NALF1: variants seen among roughly 807,000 people sequenced by gnomAD.
The protein encoded by NALF1 is NALCN channel auxiliary factor 1, also known as family with sequence similarity 155 member A.
In NALF1, 3 loss-of-function variants were observed where a neutral mutation model predicts 48.4. The ratio of observed to expected loss-of-function variants is 0.06; its 90% CI spans 0.03 to 0.16. NALF1 has a LOEUF of 0.16. Ranked by LOEUF, NALF1 falls within the 10% of genes least tolerant of loss-of-function variation. The pLI, the probability that NALF1 is intolerant of heterozygous loss-of-function variation, is 1.00. For synonymous variants in NALF1, 262 were observed against 245.7 expected, an observed-to-expected ratio of 1.07 and a Z score of -0.62; for missense variants, 526 against 571.5, an observed-to-expected ratio of 0.92 and a Z score of 0.81.
chr13:107,475,961 A>G (rs948524262), intron 1 of NALF1, among the ~76,000 whole-genome samples: 5 of 152,158 alleles, frequency 3.3e-5, no homozygotes, highest in East Asian at 1.9e-4. Flanking sequence ...AGAAAAAGCA[A>G]TCCCAAAACC....
chr13:107,761,778 T>G lies in NALF1; in HGVS notation c.915+103904A>C, dbSNP rs112156704. Among the ~76,000 whole-genome samples, 691 of 152,328 alleles carry G rather than the reference T, an allele frequency of 4.5e-3. 10 individuals carry two copies. Among genetic ancestry groups the G allele is most frequent in the Non-Finnish European group, 6.5e-3 (440 of 68,038 alleles). The stretch of plus-strand genomic sequence containing the variant: ...AGGACTTCATATTCAAAGCACCTGA[T>G]TCCAATAGTGGTTCTGTTACTTATG... On this transcript the variant is annotated intron_variant, in intron 1 of 2. Transcript: ENST00000375915.
intron 1 of NALF1, among the ~76,000 whole-genome samples, chr13:107,375,848 T>C (rs1230076265): frequency 6.6e-6 from 1 of 151,834 alleles, no homozygotes; most frequent in East Asian, 1.9e-4. Flanking sequence ...AACAAGGAAA[T>C]AAATGTGAAA....
chr13:107,665,226 C>T (rs1880827555), intron 1 of NALF1, among the ~76,000 whole-genome samples: 1 of 151,878 alleles, frequency 6.6e-6, no homozygotes, highest in Non-Finnish European at 1.5e-5. Context: ...TTATTTTTTC[C>T]TTATACTTAG....
intron 1 of NALF1, among the ~76,000 whole-genome samples, chr13:107,317,054 A>C (rs1224019318): frequency 6.6e-6 from 1 of 152,164 alleles, no homozygotes; most frequent in East Asian, 1.9e-4. Context: ...TATTTAGTAG[A>C]TATAAAACTT....
At chr13:107,216,011 C>T (rs1168660919) in intron 1 of NALF1, among the ~76,000 whole-genome samples, 1 of 152,136 alleles carries the variant, frequency 6.6e-6, no homozygotes, top group Non-Finnish European at 1.5e-5. Context: ...AGAAAAATGT[C>T]AGATATTAAA....
intron 1 of NALF1, among the ~76,000 whole-genome samples, chr13:107,846,517 T>C (rs1237667077): frequency 6.6e-6 from 1 of 152,160 alleles, no homozygotes; most frequent in African/African-American, 2.4e-5. Flanking sequence ...AGCAAAACCA[T>C]ACAGTAAACA....
intron 1 of NALF1, among the ~76,000 whole-genome samples, chr13:107,750,301 T>C (rs1434396088): frequency 6.6e-5 from 10 of 152,088 alleles, no homozygotes; most frequent in Non-Finnish European, 8.8e-5. Flanking sequence ...GTCTTCAAGC[T>C]GTCAAAGCGA....
Position 107,462,883 on chromosome 13 carries a change from A to C in NALF1, c.916-252128T>G, listed in dbSNP as rs114076162. ...GCACCTTTTCCCTTTGCTGATTTTA[A>C]TCTGTATATTTTAACTGTTGTAAAC... is the stretch of plus-strand genomic sequence containing the variant. On this transcript the variant is annotated intron_variant, in intron 1 of 2. Transcript: ENST00000375915. Among the ~76,000 whole-genome samples, 663 of 152,234 alleles carry C rather than the reference A, an allele frequency of 4.4e-3. 3 individuals carry two copies. The highest frequency in any genetic ancestry group is 0.015 in the African/African-American group (635 of 41,548).
intron 1 of NALF1, among the ~76,000 whole-genome samples, chr13:107,261,994 C>CATTA (rs1354573588): frequency 6.6e-6 from 1 of 152,112 alleles, no homozygotes; most frequent in Non-Finnish European, 1.5e-5. Flanking sequence ...CAACAAATCA[C>CATTA]ATTAATTAAT....
intron 1 of NALF1, among the ~76,000 whole-genome samples, chr13:107,565,574 A>C (rs1257555469): frequency 1.3e-5 from 2 of 152,124 alleles, no homozygotes; most frequent in Admixed American, 1.3e-4. Context: ...GAGTTGAATA[A>C]CCTCTTTTCT....
chr13:107,225,844 T>A (rs1880091804), intron 1 of NALF1, among the ~76,000 whole-genome samples: 1 of 151,986 alleles, frequency 6.6e-6, no homozygotes, highest in Non-Finnish European at 1.5e-5. Flanking sequence ...CACACACGCA[T>A]GCGCACAGAC....
intron 1 of NALF1, among the ~76,000 whole-genome samples, chr13:107,679,171 T>G (rs1881210920): frequency 6.6e-6 from 1 of 152,214 alleles, no homozygotes; most frequent in South Asian, 2.1e-4. Flanking sequence ...ATATGATAAT[T>G]GCATCTAAAA....
At position 107,734,906 on chromosome 13, in the gene NALF1, G is replaced by A. The variant is rs77593497; in HGVS notation, c.915+130776C>T. Reference sequence around the variant, plus strand: ...TTTCTCCACTGTACTCCAGCCCCACGTTTAGACATTGCTATGAATCCCCTT... The same window carrying A: ...TTTCTCCACTGTACTCCAGCCCCACATTTAGACATTGCTATGAATCCCCTT... On this transcript the variant is annotated intron_variant, in intron 1 of 2. Transcript: ENST00000375915. Among the ~76,000 whole-genome samples, 1,500 of 152,134 alleles carry A rather than the reference G, an allele frequency of 9.9e-3. 30 individuals carry two copies. The highest frequency in any genetic ancestry group is 0.034 in the African/African-American group (1,430 of 41,516).
intron 1 of NALF1, among the ~76,000 whole-genome samples, chr13:107,732,987 GTGGGTAAACATATTGTGCT>G (rs1395818875): frequency 6.6e-6 from 1 of 152,150 alleles, no homozygotes; most frequent in African/African-American, 2.4e-5. Context: ...CGGCACCATT[GTGGGTAAACATATTGTGCT>G]AATTTCATGG....
chr13:107,422,875 T>A (rs975414310), intron 1 of NALF1, among the ~76,000 whole-genome samples: 12 of 152,168 alleles, frequency 7.9e-5, no homozygotes, highest in African/African-American at 2.4e-4. Flanking sequence ...ACAGATGCTG[T>A]TCCTGGCTGG....
intron 1 of NALF1, among the ~76,000 whole-genome samples, chr13:107,536,606 T>C (rs1876824591): frequency 1.3e-5 from 2 of 152,224 alleles, no homozygotes; most frequent in East Asian, 1.9e-4. Context: ...TGTGGAGAAA[T>C]AGGAACACTT....
At chr13:107,860,370 T>C (rs892972127) in intron 1 of NALF1, among the ~76,000 whole-genome samples, 1 of 152,354 alleles carries the variant, frequency 6.6e-6, no homozygotes, top group Admixed American at 6.5e-5. Context: ...TACTGAGATA[T>C]AGGAGCTGAA....
chr13:107,368,868 T>A (rs1480714302), intron 1 of NALF1, among the ~76,000 whole-genome samples: 2 of 152,200 alleles, frequency 1.3e-5, no homozygotes, highest in East Asian at 3.9e-4. Context: ...ATGATATGGA[T>A]CTCCGTGTAC....
intron 1 of NALF1, among the ~76,000 whole-genome samples, chr13:107,392,316 A>G (rs746998334): frequency 3.9e-5 from 6 of 152,070 alleles, no homozygotes; most frequent in Non-Finnish European, 7.4e-5. Context: ...CACCAGCACA[A>G]CTGCTTGGTT....
Sources: gnomAD v4.1 joint callset for allele counts (sites outside exome capture counted in the v4.1 genomes callset) on GRCh38, gnomAD v4.1.1 for gene constraint, MANE v1.5 for transcripts, NCBI Gene and HGNC (gene_info 2026-07-23, HGNC 2026-07-21) for gene names.